Variants in LRRC4C observed in about 807,000 individuals in gnomAD.
LRRC4C encodes the protein leucine rich repeat containing 4C.
In LRRC4C, 5 loss-of-function variants were observed where a neutral mutation model predicts 33.6. The ratio of observed to expected loss-of-function variants is 0.15; its 90% CI spans 0.08 to 0.31. The LOEUF is 0.31. Ranked by LOEUF, LRRC4C falls within the 10% of genes least tolerant of loss-of-function variation. The pLI is 1.00. For synonymous variants in LRRC4C, 329 were observed against 302.0 expected, an observed-to-expected ratio of 1.09 and a Z score of -0.93; for missense variants, 560 against 796.7, an observed-to-expected ratio of 0.70 and a Z score of 3.58.
At chr11:41,278,609 T>C (rs1474710946) in intron 1 of LRRC4C, among the ~76,000 whole-genome samples, 1 of 152,234 alleles carries the variant, frequency 6.6e-6, no homozygotes, top group Non-Finnish European at 1.5e-5. Flanking sequence ...CCTCGCCCCC[T>C]GTGTTTCTGA....
At chr11:40,428,502 A>AT (rs1490000799) in intron 3 of LRRC4C, among the ~76,000 whole-genome samples, 1 of 152,208 alleles carries the variant, frequency 6.6e-6, no homozygotes, top group Non-Finnish European at 1.5e-5. Flanking sequence ...TCTAGCTGGA[A>AT]GTCAAGTACT....
At chr11:40,597,128 T>A (rs2135779588) in intron 3 of LRRC4C, among the ~76,000 whole-genome samples, 1 of 152,330 alleles carries the variant, frequency 6.6e-6, no homozygotes, top group East Asian at 1.9e-4. Context: ...TCATTCAACC[T>A]ACATTTACAT....
rs892274533 is a variant in LRRC4C at position 40,339,927 on chromosome 11, T to C, written c.-269-20206A>G. On this transcript the variant is annotated intron_variant, in intron 3 of 6. Coordinates refer to ENST00000528697, the MANE Select transcript of LRRC4C (RefSeq NM_001258419.2). ...ATGTTGAGTAAAAAGGAAACTGACA[T>C]TTACTTGGAAATTTGGCATATGTGG... 1.1e-4 allele frequency among the ~76,000 whole-genome samples: 16 copies of C among 152,124 alleles called. No homozygotes were observed. In the South Asian group the frequency reaches 3.3e-3, roughly 32 times the overall value.
chr11:41,438,464 T>C (rs1955512301), intron 1 of LRRC4C, among the ~76,000 whole-genome samples: 1 of 152,144 alleles, frequency 6.6e-6, no homozygotes, highest in Admixed American at 6.5e-5. Flanking sequence ...AAAGTCCTAG[T>C]TCAGTTAGTA....
intron 1 of LRRC4C, among the ~76,000 whole-genome samples, chr11:41,231,108 G>A (rs999722794): frequency 1.3e-5 from 2 of 152,078 alleles, no homozygotes; most frequent in East Asian, 1.9e-4. Flanking sequence ...AAATAGTCAG[G>A]AAACAACAGG....
chr11:40,372,021 G>A (rs1006949084), intron 3 of LRRC4C, among the ~76,000 whole-genome samples: 1 of 152,162 alleles, frequency 6.6e-6, no homozygotes. Flanking sequence ...ATTGTGGCTT[G>A]TGGTTCATGA....
At chr11:40,436,299 T>C (rs566410832) in intron 3 of LRRC4C, among the ~76,000 whole-genome samples, 1 of 152,302 alleles carries the variant, frequency 6.6e-6, no homozygotes, top group East Asian at 1.9e-4. Context: ...GTTTAGGTAG[T>C]TTGAGGCATT....
intron 3 of LRRC4C, among the ~76,000 whole-genome samples, chr11:40,588,894 C>G (rs1958895498): frequency 6.6e-6 from 1 of 151,972 alleles, no homozygotes; most frequent in South Asian, 2.1e-4. Context: ...GCTTTACTTC[C>G]AAGTATGTGG....
intron 1 of LRRC4C, among the ~76,000 whole-genome samples, chr11:41,178,165 T>C (rs970859758): frequency 1.3e-5 from 2 of 152,192 alleles, no homozygotes; most frequent in African/African-American, 2.4e-5. Flanking sequence ...TAATCCAACA[T>C]GCTTTTACTG....
At chr11:40,295,919 A>G (rs1944488699) in intron 4 of LRRC4C, among the ~76,000 whole-genome samples, 1 of 152,216 alleles carries the variant, frequency 6.6e-6, no homozygotes, top group Admixed American at 6.5e-5. Flanking sequence ...CCACTAATAA[A>G]CGATTAAAAA....
At position 40,978,603 on chromosome 11, in the gene LRRC4C, A is replaced by T. The variant is rs539413909; in HGVS notation, c.-495-44880T>A. Among the ~76,000 whole-genome samples the T allele has an allele frequency of 1.3e-4, 19 of 150,926 alleles. 2 individuals carry two copies. In the South Asian group the frequency reaches 2.9e-3, roughly 23 times the overall value. Reference sequence around the variant, plus strand: ...ATAAATCCTACTATAACTTTGTCTCATGCCCCTCTTTCTTTTTACTGTTTT... The same window carrying T: ...ATAAATCCTACTATAACTTTGTCTCTTGCCCCTCTTTCTTTTTACTGTTTT... On this transcript the variant is annotated intron_variant, in intron 1 of 6. Coordinates refer to ENST00000528697, the MANE Select transcript of LRRC4C (RefSeq NM_001258419.2).
At chr11:41,363,177 T>C (rs1310253614) in intron 1 of LRRC4C, among the ~76,000 whole-genome samples, 1 of 152,170 alleles carries the variant, frequency 6.6e-6, no homozygotes, top group East Asian at 1.9e-4. Context: ...CTCTTTTCTC[T>C]AAGATAATAT....
chr11:40,224,577 T>C (rs1243686368), intron 5 of LRRC4C, among the ~76,000 whole-genome samples: 1 of 152,208 alleles, frequency 6.6e-6, no homozygotes, highest in Non-Finnish European at 1.5e-5. Flanking sequence ...TATCTATAGG[T>C]ATATGAGAAA....
chr11:41,341,911 A>G (rs1397288136), intron 1 of LRRC4C, among the ~76,000 whole-genome samples: 2 of 152,190 alleles, frequency 1.3e-5, no homozygotes, highest in African/African-American at 4.8e-5. Flanking sequence ...GAAACTTACC[A>G]TAATAAAAGG....
chr11:40,959,863 G>A (rs929471556), intron 1 of LRRC4C, among the ~76,000 whole-genome samples: 5 of 151,538 alleles, frequency 3.3e-5, no homozygotes, highest in African/African-American at 1.2e-4. Context: ...AACCCACAGT[G>A]GTATTGTATT....
chr11:40,968,542 G>A (rs1447201366), intron 1 of LRRC4C, among the ~76,000 whole-genome samples: 1 of 152,070 alleles, frequency 6.6e-6, no homozygotes, highest in African/African-American at 2.4e-5. Flanking sequence ...ACTTCAAAGA[G>A]CAGTCTGACT....
At chr11:40,339,026 AG>A (rs1297889617) in intron 3 of LRRC4C, among the ~76,000 whole-genome samples, 1 of 152,212 alleles carries the variant, frequency 6.6e-6, no homozygotes, top group Non-Finnish European at 1.5e-5. Flanking sequence ...AAAGGACCAG[AG>A]GGTGTTTTCA....
At chr11:40,251,671 C>T (rs1454954846) in intron 4 of LRRC4C, among the ~76,000 whole-genome samples, 2 of 152,190 alleles carry the variant, frequency 1.3e-5, no homozygotes, top group African/African-American at 2.4e-5. Flanking sequence ...GCACCTTCAC[C>T]TAGAAGTAAA....
intron 2 of LRRC4C, among the ~76,000 whole-genome samples, chr11:40,768,551 G>T (rs1304376821): frequency 6.6e-6 from 1 of 151,858 alleles, no homozygotes; most frequent in Non-Finnish European, 1.5e-5. Context: ...AAAGAAACAG[G>T]CCAATATCCT....
Sources: allele counts gnomAD v4.1 joint callset (sites outside exome capture counted in the v4.1 genomes callset), GRCh38; gene constraint gnomAD v4.1.1; transcripts MANE v1.5; gene names NCBI Gene and HGNC (gene_info 2026-07-23, HGNC 2026-07-21).